Variants in FYB2 observed in about 807,000 individuals in gnomAD.
FYB2 encodes the protein FYN binding protein 2, also known as FYN-binding protein 2.
A neutral mutation model predicts 94.1 loss-of-function variants in FYB2; 103 were observed. That is an observed-to-expected ratio of 1.09 (90% CI 0.93 to 1.29). The LOEUF is 1.29. Ranked by LOEUF, FYB2 falls within the 50% of genes most tolerant of loss-of-function variation. FYB2 has a pLI of 0.00. For synonymous variants in FYB2, 293 were observed against 287.9 expected (o/e 1.02, Z -0.18); for missense variants, 896 against 841.5 (o/e 1.06, Z -0.80).
At position 56,789,107 on chromosome 1, in the gene FYB2, T is replaced by C. The variant is rs778684417; in HGVS notation, c.785A>G (p.His262Arg). 1 of 1,599,504 alleles carries C rather than the reference T, an allele frequency of 6.3e-7. No homozygotes were observed. Among genetic ancestry groups the C allele is most frequent in the Non-Finnish European group, 8.5e-7 (1 of 1,173,500 alleles). Residue 262 changes from histidine to arginine, a missense_variant, in exon 3 of 20, where the codon CAC (histidine) becomes CGC (arginine). Coordinates refer to ENST00000343433, the MANE Select transcript of FYB2 (RefSeq NM_001004303.5). Reference sequence around the variant, plus strand: ...GGGCAATGGCTTTGTTTTGGGAAGGTGGTGATGCCTGACATCTGGCTGTTT... The same window carrying C: ...GGGCAATGGCTTTGTTTTGGGAAGGCGGTGATGCCTGACATCTGGCTGTTT... ...PEKQPDVRHH[H>R]LPKTKPLPSI...
At chr1:56,727,307 T>C (rs1201067668) in intron 15 of FYB2, among the ~76,000 whole-genome samples, 1 of 152,080 alleles carries the variant, frequency 6.6e-6, no homozygotes, top group Non-Finnish European at 1.5e-5. Context: ...CTTATGAATT[T>C]GCATTCCCTA....
rs1646285806 is a variant in FYB2, at chr1:56,792,231, AAG to A, written c.580_581del (p.Leu194SerfsTer14). The A allele has an allele frequency of 6.2e-7, 1 of 1,613,638 alleles. No homozygotes were observed. Among genetic ancestry groups the A allele is most frequent in the Non-Finnish European group, 8.5e-7 (1 of 1,179,868 alleles). On this transcript the variant is annotated frameshift_variant, in exon 2 of 20. Transcript: ENST00000343433. LOFTEE classifies it high-confidence loss of function. ...KKLETKGAQT[L>X]PSQKHVVAPK... ...GGGCCACCACGTGCTTCTGGGAAGG[AAG>A]AGTCTGGGCTCCTTTTGTTTCCAGC...
At chr1:56,754,976 C>T (rs1256411867) in intron 7 of FYB2, among the ~76,000 whole-genome samples, 2 of 151,998 alleles carry the variant, frequency 1.3e-5, no homozygotes, top group Admixed American at 6.6e-5. Context: ...GGTAGCCCAT[C>T]CAGCTAAAGC....
At chr1:56,799,441 T>A (rs1043445972) in intron 1 of FYB2, among the ~76,000 whole-genome samples, 2 of 152,264 alleles carry the variant, frequency 1.3e-5, no homozygotes, top group African/African-American at 2.4e-5. Flanking sequence ...CCAATTTGCA[T>A]TGGCTTTTAA....
intron 6 of FYB2, among the ~76,000 whole-genome samples, chr1:56,757,651 TTC>T (rs752842003): frequency 2.7e-5 from 4 of 149,758 alleles, no homozygotes. Flanking sequence ...TTTCCTTTCT[TTC>T]TTTCTTTTTC....
intron 1 of FYB2, among the ~76,000 whole-genome samples, chr1:56,803,522 T>C (rs926546009): frequency 6.6e-6 from 1 of 152,230 alleles, no homozygotes; most frequent in African/African-American, 2.4e-5. Flanking sequence ...GCTACTTAGA[T>C]TTTTGCAATC....
intron 4 of FYB2, among the ~76,000 whole-genome samples, chr1:56,777,281 A>G (rs1645902460): frequency 6.8e-6 from 1 of 147,758 alleles, no homozygotes; most frequent in Non-Finnish European, 1.5e-5. Flanking sequence ...AAAAGAAAAT[A>G]GAAGGCCCAG....
In FYB2 at chr1:56,720,320, C is replaced by CTT; in HGVS notation, c.1982_1983dup (p.Glu662LysfsTer25). On this transcript the variant is annotated frameshift_variant, in exon 18 of 20. Transcript: ENST00000343433. LOFTEE classifies it high-confidence loss of function. ...ACTGCTGTATTGATGACAATAATCT[C>CTT]TTTGTCGTACTGAAATGAGAAATTA... The CTT allele has an allele frequency of 6.3e-7, 1 of 1,597,738 alleles. No homozygotes were observed.
At chr1:56,727,298 T>C (rs1015668073) in intron 15 of FYB2, among the ~76,000 whole-genome samples, 1 of 152,078 alleles carries the variant, frequency 6.6e-6, no homozygotes, top group African/African-American at 2.4e-5. Flanking sequence ...TGGCATTTTC[T>C]TATGAATTTG....
At chr1:56,737,053 T>C in intron 15 of FYB2, 34 bp downstream of exon 15, 1 of 1,485,780 alleles carries the variant, frequency 6.7e-7, no homozygotes, top group Non-Finnish European at 9.4e-7. Flanking sequence ...GGGTCAAATA[T>C]CAGCAGGGAT....
intron 8 of FYB2, among the ~76,000 whole-genome samples, chr1:56,751,971 T>C (rs1032686761): frequency 6.6e-6 from 1 of 151,958 alleles, no homozygotes; most frequent in African/African-American, 2.4e-5. Flanking sequence ...TTTATTAAAT[T>C]GTATTTTCCA....
intron 1 of FYB2, among the ~76,000 whole-genome samples, chr1:56,814,773 A>T (rs528649661): frequency 6.6e-6 from 1 of 152,318 alleles, no homozygotes; most frequent in Admixed American, 6.5e-5. Context: ...AGATCCTCTC[A>T]GCAGGTCCAC....
intron 2 of FYB2, among the ~76,000 whole-genome samples, chr1:56,790,557 A>G (rs1646237273): frequency 6.6e-6 from 1 of 152,022 alleles, no homozygotes; most frequent in African/African-American, 2.4e-5. Context: ...CTTTCTTCCC[A>G]TCTGTCTTTT....
intron 12 of FYB2, among the ~76,000 whole-genome samples, chr1:56,741,621 G>A (rs936307854): frequency 6.6e-6 from 1 of 151,854 alleles, no homozygotes; most frequent in African/African-American, 2.4e-5. Context: ...GACCATTGCC[G>A]TTTTCTTTTC....
chr1:56,782,347 T>G (rs371536547), intron 4 of FYB2, among the ~76,000 whole-genome samples: 3 of 152,174 alleles, frequency 2.0e-5, no homozygotes, highest in African/African-American at 7.2e-5. Flanking sequence ...CTTATTACGA[T>G]GAAAATAAGT....
chr1:56,792,960 A>G (rs1242436443), intron 1 of FYB2, among the ~76,000 whole-genome samples, 157 bp from the exon 2 acceptor site: 1 of 152,178 alleles, frequency 6.6e-6, no homozygotes, highest in Non-Finnish European at 1.5e-5. Flanking sequence ...ATATAACGCA[A>G]TTGCTTCTGG....
At chr1:56,778,795 C>T (rs1033298952) in intron 4 of FYB2, among the ~76,000 whole-genome samples, 22 of 152,136 alleles carry the variant, frequency 1.4e-4, no homozygotes, top group African/African-American at 4.3e-4. Flanking sequence ...TGCCTCATAC[C>T]ATATTTGTTA....
At chr1:56,803,087 C>T (rs561005403) in intron 1 of FYB2, among the ~76,000 whole-genome samples, 1 of 152,276 alleles carries the variant, frequency 6.6e-6, no homozygotes, top group South Asian at 2.1e-4. Context: ...ACAATCCTTA[C>T]AAAATCCTCT....
At position 56,787,161 on chromosome 1, in the gene FYB2, G is replaced by A. The variant is rs1392004291; in HGVS notation, c.953+14C>T. On this transcript the variant is annotated intron_variant, in intron 4 of 19. Transcript: ENST00000343433. Reference sequence around the variant, plus strand: ...TGGGCTACGTTCCTACACAACTAAGGAGCATGTACTTACCTCTCTGGAGAC... The same window carrying A: ...TGGGCTACGTTCCTACACAACTAAGAAGCATGTACTTACCTCTCTGGAGAC... 4 of 1,613,816 alleles carry A rather than the reference G, an allele frequency of 2.5e-6. No individual in the cohort carries two copies.
Sources: allele counts gnomAD v4.1 joint callset (sites outside exome capture counted in the v4.1 genomes callset), GRCh38; gene constraint gnomAD v4.1.1; transcripts MANE v1.5; gene names NCBI Gene and HGNC (gene_info 2026-07-23, HGNC 2026-07-21).